DPP10: variants seen among roughly 807,000 people sequenced by gnomAD.
The protein encoded by DPP10 is dipeptidyl peptidase like 10.
Under a neutral mutation model 120.9 loss-of-function variants are expected in DPP10, and 33 were observed. The ratio of observed to expected loss-of-function variants is 0.27; its 90% CI spans 0.21 to 0.37. The LOEUF is 0.37. DPP10 is among the 10% of genes least tolerant of loss of function. DPP10 has a pLI of 1.00. For synonymous variants in DPP10, 337 were observed against 326.1 expected (o/e 1.03, Z -0.36); for missense variants, 816 against 942.8 (o/e 0.87, Z 1.76).
At chr2:114,936,439 A>T (rs1696484091) in intron 1 of DPP10, among the ~76,000 whole-genome samples, 1 of 151,816 alleles carries the variant, frequency 6.6e-6, no homozygotes, top group South Asian at 2.1e-4. Flanking sequence ...ATATACACAT[A>T]TATACGCACA....
At chr2:114,837,142 C>G (rs955346044) in intron 1 of DPP10, among the ~76,000 whole-genome samples, 6 of 152,146 alleles carry the variant, frequency 3.9e-5, no homozygotes, top group Admixed American at 2.6e-4. Flanking sequence ...AAAGTAAAGA[C>G]AGGCATAGGA....
At chr2:115,417,711 C>T (rs1574780674) in intron 3 of DPP10, among the ~76,000 whole-genome samples, 1 of 152,172 alleles carries the variant, frequency 6.6e-6, no homozygotes, top group East Asian at 1.9e-4. Flanking sequence ...TAGTCTTAGT[C>T]TTTTCAACTG....
At chr2:115,557,322 A>AT (rs1347384551) in intron 5 of DPP10, among the ~76,000 whole-genome samples, 1 of 152,164 alleles carries the variant, frequency 6.6e-6, no homozygotes, top group African/African-American at 2.4e-5. Flanking sequence ...TGATGAGAAA[A>AT]TTGATGAAAG....
chr2:115,071,918 C>A (rs1052372500), intron 1 of DPP10, among the ~76,000 whole-genome samples: 1 of 152,004 alleles, frequency 6.6e-6, no homozygotes, highest in African/African-American at 2.4e-5. Context: ...TTGGCAATGA[C>A]ACTGAGGCAA....
chr2:114,465,635 T>C (rs1679301138), intron 1 of DPP10, among the ~76,000 whole-genome samples: 1 of 152,232 alleles, frequency 6.6e-6, no homozygotes, highest in African/African-American at 2.4e-5. Flanking sequence ...ATGAGCTTAC[T>C]CTGATTGAAT....
At chr2:115,476,160 A>G (rs970887676) in intron 3 of DPP10, among the ~76,000 whole-genome samples, 1 of 152,092 alleles carries the variant, frequency 6.6e-6, no homozygotes, top group Admixed American at 6.6e-5. Flanking sequence ...TGGAATTGTA[A>G]TCTCCAATGC....
intron 3 of DPP10, among the ~76,000 whole-genome samples, chr2:115,411,274 G>T (rs551704321): frequency 6.6e-6 from 1 of 152,252 alleles, no homozygotes; most frequent in South Asian, 2.1e-4. Flanking sequence ...GGAGGTTGCA[G>T]TGAGCCGAGA....
chr2:114,879,318 T>G (rs1430233953), intron 1 of DPP10, among the ~76,000 whole-genome samples: 4 of 152,044 alleles, frequency 2.6e-5, no homozygotes, highest in African/African-American at 9.7e-5. Context: ...ATTTCACTAG[T>G]TTTCTCCTCA....
chr2:114,775,420 A>G (rs903318835), intron 1 of DPP10, among the ~76,000 whole-genome samples: 2 of 152,178 alleles, frequency 1.3e-5, no homozygotes, highest in Non-Finnish European at 2.9e-5. Context: ...TGGTGGGGGT[A>G]GACTTACATT....
intron 1 of DPP10, among the ~76,000 whole-genome samples, chr2:114,743,089 C>A (rs184337334): frequency 6.6e-6 from 1 of 152,122 alleles, no homozygotes. Context: ...TTTTCTTCTG[C>A]GTAAAGACAA....
chr2:115,306,193 G>A (rs984425179), intron 1 of DPP10, among the ~76,000 whole-genome samples: 4 of 151,894 alleles, frequency 2.6e-5, no homozygotes, highest in African/African-American at 9.7e-5. Flanking sequence ...TGTATTTTAG[G>A]CACTTTTCTT....
chr2:114,845,598 A>G (rs1307433451), intron 1 of DPP10, among the ~76,000 whole-genome samples: 1 of 152,152 alleles, frequency 6.6e-6, no homozygotes, highest in African/African-American at 2.4e-5. Flanking sequence ...CAGCAACTTC[A>G]GTGTCGGCAG....
intron 5 of DPP10, among the ~76,000 whole-genome samples, chr2:115,558,998 C>G (rs762748710): frequency 1.3e-5 from 2 of 152,070 alleles, no homozygotes; most frequent in Non-Finnish European, 2.9e-5. Flanking sequence ...CTTTCCAGGT[C>G]AAGTAGGGCA....
At chr2:115,120,476 G>C (rs1021657907) in intron 1 of DPP10, among the ~76,000 whole-genome samples, 7 of 152,144 alleles carry the variant, frequency 4.6e-5, no homozygotes, top group African/African-American at 1.7e-4. Context: ...TTCTATATTT[G>C]TGGAGAGGGT....
At chr2:115,264,215 G>T (rs538690979) in intron 1 of DPP10, among the ~76,000 whole-genome samples, 2 of 152,176 alleles carry the variant, frequency 1.3e-5, no homozygotes, top group Admixed American at 1.3e-4. Context: ...ACTTCAATTA[G>T]TTTTTGTGAA....
intron 1 of DPP10, among the ~76,000 whole-genome samples, chr2:115,221,400 G>C (rs2057149888): frequency 1.3e-5 from 2 of 152,106 alleles, no homozygotes; most frequent in Non-Finnish European, 2.9e-5. Flanking sequence ...CTAAAGCAGG[G>C]TTCGGCAAAC....
intron 3 of DPP10, among the ~76,000 whole-genome samples, chr2:115,386,528 A>G (rs1488742746): frequency 6.6e-6 from 1 of 151,834 alleles, no homozygotes. Flanking sequence ...TAGGGGCAGC[A>G]TGTTGTGGGA....
chr2:114,684,926 C>T lies in DPP10; in HGVS notation c.60+242088C>T, dbSNP rs544495224. On this transcript the variant is annotated intron_variant, in intron 1 of 25. Coordinates refer to ENST00000410059, the MANE Select transcript of DPP10 (RefSeq NM_020868.6). ...CCATGGAGATCCACTGAAGTGGCTG[C>T]GGCTGATTGTGATTGAATTTTTAAG... 2.2e-3 allele frequency among the ~76,000 whole-genome samples: 332 copies of T among 151,932 alleles called. 2 individuals carry two copies. Among genetic ancestry groups the T allele is most frequent in the African/African-American group, 7.5e-3 (310 of 41,480 alleles).
chr2:115,286,483 A>G (rs1482387082), intron 1 of DPP10, among the ~76,000 whole-genome samples: 3 of 38,120 alleles, frequency 7.9e-5, no homozygotes. Context: ...TATATGTAAT[A>G]TATATATAAT....
Sources: allele counts gnomAD v4.1 joint callset (sites outside exome capture counted in the v4.1 genomes callset), GRCh38; gene constraint gnomAD v4.1.1; transcripts MANE v1.5; gene names NCBI Gene and HGNC (gene_info 2026-07-23, HGNC 2026-07-21).